Variants in DPP6 observed in about 807,000 individuals in gnomAD.
The protein encoded by DPP6 is A-type potassium channel modulatory protein DPP6.
DPP6 carries 69 observed loss-of-function variants against 122.6 expected under a neutral mutation model. The ratio of observed to expected loss-of-function variants is 0.56; its 90% CI spans 0.46 to 0.69. The LOEUF is 0.69. Among genes scored for constraint, DPP6 ranks in the 30% least tolerant of loss-of-function variants. The probability of loss-of-function intolerance (pLI) is 0.00; values close to 1 mark genes in which losing one functional copy is unlikely to be tolerated. For missense variants in DPP6, 928 were observed against 1,116.9 expected, an observed-to-expected ratio of 0.83 and a Z score of 2.41; for synonymous variants, 418 against 433.1, an observed-to-expected ratio of 0.97 and a Z score of 0.43.
At chr7:154,597,278 T>C (rs1438964503) in intron 5 of DPP6, among the ~76,000 whole-genome samples, 4 of 151,958 alleles carry the variant, frequency 2.6e-5, no homozygotes, top group Non-Finnish European at 5.9e-5. Flanking sequence ...TGTGGGTTGG[T>C]GTCTCCTGGC....
At chr7:154,133,973 A>G (rs1296247226) in intron 1 of DPP6, among the ~76,000 whole-genome samples, 5 of 151,614 alleles carry the variant, frequency 3.3e-5, no homozygotes, top group Non-Finnish European at 7.4e-5. Flanking sequence ...GACACACCCC[A>G]TGCTGGAAGA....
intron 8 of DPP6, among the ~76,000 whole-genome samples, chr7:154,764,384 AAG>A (rs1477531511): frequency 2.0e-5 from 3 of 152,182 alleles, no homozygotes; most frequent in Non-Finnish European, 4.4e-5. Flanking sequence ...AGAAGTGGGA[AAG>A]AGAGGCGGTG....
chr7:154,885,597 G>A (rs1301492692), intron 21 of DPP6, 36 bp from the exon 22 acceptor site: 2 of 1,550,788 alleles, frequency 1.3e-6, no homozygotes, highest in Non-Finnish European at 1.7e-6. Flanking sequence ...GTTACTGCCA[G>A]GACTCCTAAC....
At chr7:153,972,482 G>A (rs1312024066) in intron 1 of DPP6, among the ~76,000 whole-genome samples, 1 of 151,874 alleles carries the variant, frequency 6.6e-6, no homozygotes, top group Admixed American at 6.6e-5. Context: ...TCACTGAGCT[G>A]GCTCTGAGAT....
chr7:154,322,778 A>G (rs955333093), intron 1 of DPP6, among the ~76,000 whole-genome samples: 2 of 152,236 alleles, frequency 1.3e-5, no homozygotes, highest in African/African-American at 4.8e-5. Flanking sequence ...GTTTATAGGC[A>G]GTAAACATTG....
chr7:154,565,998 A>G (rs903861529), intron 4 of DPP6, among the ~76,000 whole-genome samples: 8 of 152,190 alleles, frequency 5.3e-5, no homozygotes, highest in Non-Finnish European at 1.0e-4. Context: ...AGAAAACAGC[A>G]CAGTTGATGG....
chr7:154,814,965 G>A (rs188132841), intron 16 of DPP6, among the ~76,000 whole-genome samples: 8 of 152,204 alleles, frequency 5.3e-5, no homozygotes, highest in Admixed American at 1.3e-4. Flanking sequence ...CAAAGACCTC[G>A]TTTCCAAATA....
chr7:154,085,259 T>G (rs1344185688), intron 1 of DPP6, among the ~76,000 whole-genome samples: 1 of 152,176 alleles, frequency 6.6e-6, no homozygotes. Flanking sequence ...TCTCAACTTC[T>G]TTTCCATCCC....
the DPP6 span, among the ~76,000 whole-genome samples, chr7:153,836,037 C>T: frequency 2.6e-5 from 4 of 152,178 alleles, no homozygotes; most frequent in African/African-American, 9.7e-5. Flanking sequence ...CTAATTTGTC[C>T]TCTCCTTCTG....
chr7:154,489,932 A>G (rs1188429031), intron 3 of DPP6, among the ~76,000 whole-genome samples: 1 of 152,228 alleles, frequency 6.6e-6, no homozygotes, highest in African/African-American at 2.4e-5. Flanking sequence ...AGGAACCGAC[A>G]TGTGCATTCA....
intron 1 of DPP6, among the ~76,000 whole-genome samples, chr7:154,214,404 C>G (rs1372897308): frequency 6.6e-6 from 1 of 152,190 alleles, no homozygotes; most frequent in African/African-American, 2.4e-5. Context: ...ATTCACCAGC[C>G]TAGTGCCTGG....
chr7:154,302,308 T>C (rs776187539), intron 1 of DPP6, among the ~76,000 whole-genome samples: 1 of 152,242 alleles, frequency 6.6e-6, no homozygotes, highest in Non-Finnish European at 1.5e-5. Context: ...GGCTCATTTC[T>C]CTTGGCATCT....
rs1285822280 is a variant in DPP6 at position 154,091,097 on chromosome 7, G to C, written c.243+38034G>C. On this transcript the variant is annotated intron_variant, in intron 1 of 25. Coordinates refer to ENST00000377770, the MANE Select transcript of DPP6 (RefSeq NM_130797.4). ...GACTGCGCCACTGCACTCCAGCTTG[G>C]GCAACAGAGCAAGACTCCTTCTCAA... Among the ~76,000 whole-genome samples, 25 of 150,760 alleles carry C rather than the reference G, an allele frequency of 1.7e-4. 1 individual carries two copies. Among genetic ancestry groups the C allele is most frequent in the South Asian group, 1.0e-3 (5 of 4,782 alleles).
chr7:154,628,350 C>T (rs936712977), intron 5 of DPP6, among the ~76,000 whole-genome samples: 4 of 152,198 alleles, frequency 2.6e-5, no homozygotes, highest in African/African-American at 9.6e-5. Context: ...TTCTCTAAAA[C>T]CTTAAAGACA....
chr7:154,203,098 C>T (rs1799255485), intron 1 of DPP6, among the ~76,000 whole-genome samples: 1 of 152,116 alleles, frequency 6.6e-6, no homozygotes, highest in South Asian at 2.1e-4. Context: ...TTTTCCCACT[C>T]ACTTGAAAAT....
chr7:154,132,656 AG>A (rs1203770713), intron 1 of DPP6, among the ~76,000 whole-genome samples: 1 of 152,106 alleles, frequency 6.6e-6, no homozygotes, highest in Non-Finnish European at 1.5e-5. Context: ...TCAGATAAAA[AG>A]ATCTTTCTTG....
At chr7:153,947,849 TG>T (rs1383856759) in intron 1 of DPP6, among the ~76,000 whole-genome samples, 1 of 152,144 alleles carries the variant, frequency 6.6e-6, no homozygotes, top group African/African-American at 2.4e-5. Context: ...GACCTCCTTC[TG>T]GGGAGGCGGG....
At chr7:154,396,957 A>T (rs1239444758) in intron 1 of DPP6, among the ~76,000 whole-genome samples, 1 of 152,200 alleles carries the variant, frequency 6.6e-6, no homozygotes, top group South Asian at 2.1e-4. Flanking sequence ...AAACAAAAAA[A>T]GTACTCTTTT....
chr7:153,973,803 A>G lies in DPP6; in HGVS notation c.51+86069A>G, dbSNP rs1366749677. Among the ~76,000 whole-genome samples, 3 of 147,108 alleles carry G rather than the reference A, an allele frequency of 2.0e-5. 1 individual carries two copies. The highest frequency in any genetic ancestry group is 4.5e-5 in the Non-Finnish European group (3 of 66,948). ...GTGGACTACAGAAACTTTAATGTAT[A>G]ATGTGTTCAGGAAAGAGTACCTGTA... On this transcript the variant is annotated intron_variant, in intron 1 of 25. Transcript: ENST00000404039.
Sources: gnomAD v4.1 joint callset for allele counts (sites outside exome capture counted in the v4.1 genomes callset) on GRCh38, gnomAD v4.1.1 for gene constraint, MANE v1.5 for transcripts, NCBI Gene and HGNC (gene_info 2026-07-23, HGNC 2026-07-21) for gene names.